Variants in HIVEP2 observed in about 807,000 individuals in gnomAD.
HIVEP2 encodes the protein HIVEP zinc finger 2, also known as transcription factor HIVEP2.
HIVEP2 carries 14 observed loss-of-function variants against 180.7 expected under a neutral mutation model. The ratio of observed to expected loss-of-function variants is 0.08; its 90% CI spans 0.05 to 0.12. The LOEUF (loss-of-function observed/expected upper bound fraction) is 0.12. Ranked by LOEUF, HIVEP2 falls within the 10% of genes least tolerant of loss-of-function variation. The pLI is 1.00. For synonymous variants in HIVEP2, 1,184 were observed against 1,136.4 expected, an observed-to-expected ratio of 1.04 and a Z score of -0.84; for missense variants, 2,579 against 3,008.5, an observed-to-expected ratio of 0.86 and a Z score of 3.34.
chr6:142,771,707 G>A lies in HIVEP2; in HGVS notation c.3032C>T (p.Ala1011Val). Residue 1011 changes from alanine to valine, a missense_variant, in exon 5 of 10, where the codon GCT becomes GTT. Coordinates refer to ENST00000367603, the MANE Select transcript of HIVEP2 (RefSeq NM_006734.4). This position sits in a 1 kb window ranked among gnomAD's most constrained non-coding sequence, Gnocchi z 5.4. ...TGGGACAGACAATGAGTATGAACCA[G>A]CAGGGACAGTCAGAAACTCTGAATG... The part of the protein sequence containing the change: ...GKHSEFLTVP[A>V]GSYSLSVPGH... The A allele has an allele frequency of 6.2e-7, 1 of 1,614,202 alleles. No individual in the cohort carries two copies. The highest frequency in any genetic ancestry group is 8.5e-7 in the Non-Finnish European group (1 of 1,180,032).
At chr6:142,888,945 T>C (rs1386064583) in intron 1 of HIVEP2, among the ~76,000 whole-genome samples, 2 of 152,216 alleles carry the variant, frequency 1.3e-5, no homozygotes, top group Non-Finnish European at 2.9e-5. Flanking sequence ...ACTATACTGC[T>C]CATTCCATCA....
At chr6:142,878,971 T>G (rs956107710) in intron 1 of HIVEP2, among the ~76,000 whole-genome samples, 14 of 152,192 alleles carry the variant, frequency 9.2e-5, no homozygotes, top group Admixed American at 3.9e-4. Context: ...GCCCTGGATA[T>G]GTCATCTAAC....
intron 1 of HIVEP2, among the ~76,000 whole-genome samples, chr6:142,869,624 C>A (rs1776238919): frequency 6.6e-6 from 1 of 151,962 alleles, no homozygotes; most frequent in African/African-American, 2.4e-5. Context: ...ATAGGGCACT[C>A]CAACTTTTAA....
intron 1 of HIVEP2, among the ~76,000 whole-genome samples, chr6:142,843,596 C>T (rs1043564771): frequency 6.6e-6 from 1 of 152,148 alleles, no homozygotes; most frequent in Non-Finnish European, 1.5e-5. Flanking sequence ...CAAGAGAAAG[C>T]TACGGTGAGC....
At position 142,752,815 on chromosome 6, in the gene HIVEP2, A is replaced by C. The variant is rs1392528875; in HGVS notation, c.*292T>G. 7.6e-5 allele frequency: 22 copies of C among 290,470 alleles called. No homozygotes were observed. Among genetic ancestry groups the C allele is most frequent in the Non-Finnish European group, 1.4e-4 (22 of 155,264 alleles). The allele number at this position is 290,470 out of a possible 1,614,324, so 18.0% of individuals were successfully genotyped here. A position where few individuals can be genotyped will look rare whatever the true frequency, so the allele number is the denominator to read the frequency against. On this transcript the variant is annotated 3_prime_UTR_variant, in exon 10 of 10. Coordinates refer to ENST00000367603, the MANE Select transcript of HIVEP2 (RefSeq NM_006734.4). ...ATACACAAATTCTAAAATATGTACA[A>C]ATTACTGCTAAAAAATGCTTATAAG...
intron 1 of HIVEP2, among the ~76,000 whole-genome samples, chr6:142,937,560 G>A (rs780416384): frequency 7.2e-5 from 11 of 152,132 alleles, no homozygotes; most frequent in Non-Finnish European, 1.0e-4. Flanking sequence ...TCAAATCGAG[G>A]TTCTTAATCC....
At chr6:142,900,405 C>G (rs935925729) in intron 1 of HIVEP2, among the ~76,000 whole-genome samples, 2 of 152,154 alleles carry the variant, frequency 1.3e-5, no homozygotes, top group Non-Finnish European at 2.9e-5. Context: ...ACCTCACCAC[C>G]CTGGGCCACA....
chr6:142,859,738 G>A (rs1775920189), intron 1 of HIVEP2, among the ~76,000 whole-genome samples: 2 of 147,640 alleles, frequency 1.4e-5, no homozygotes, highest in Middle Eastern at 3.3e-3. Flanking sequence ...GGAGGCTGAG[G>A]CAAGAGAATC....
At chr6:142,755,376 G>A (rs1775038460) in intron 9 of HIVEP2, among the ~76,000 whole-genome samples, 1 of 152,196 alleles carries the variant, frequency 6.6e-6, no homozygotes, top group Non-Finnish European at 1.5e-5. Context: ...TTTGGAAAAG[G>A]CACGTCTCCT....
chr6:142,771,278 G>T lies in HIVEP2; in HGVS notation c.3461C>A (p.Ala1154Asp). ...GTCCATGTGCATGATCTGTGGCTGG[G>T]CCAGGTGCAGTGGCCCCGAGCTCAG... ...PPLSSGPLHL[A>D]QPQIMHMDSQ... Residue 1154 changes from alanine (A) to aspartate (D), a missense_variant, in exon 5 of 10, where the codon GCC becomes GAC. By Grantham distance (126) the Ala-to-Asp change is moderately radical. This residue lies in a region of HIVEP2 where 523 missense variants were observed against 577.0 expected (regional missense o/e 0.91). Coordinates refer to ENST00000367603, the MANE Select transcript of HIVEP2 (RefSeq NM_006734.4). The surrounding 1 kb of genome is among the most constrained non-coding windows in gnomAD (Gnocchi z 5.4). 1 of 1,613,792 alleles carries T rather than the reference G, an allele frequency of 6.2e-7. No individual in the cohort carries two copies. The highest frequency in any genetic ancestry group is 8.5e-7 in the Non-Finnish European group (1 of 1,180,028).
chr6:142,877,627 GA>G (rs71683763), intron 1 of HIVEP2, among the ~76,000 whole-genome samples: 116,715 of 151,562 alleles, frequency 0.77, 45,632 homozygotes, highest in Non-Finnish European at 0.83. Flanking sequence ...AAAGTAAAGA[GA>G]AAAAAAAAAT....
chr6:142,920,776 G>A (rs141127785), intron 1 of HIVEP2, among the ~76,000 whole-genome samples: 1 of 152,250 alleles, frequency 6.6e-6, no homozygotes, highest in East Asian at 1.9e-4. Flanking sequence ...GAGCCCAGGA[G>A]TTCCAGATCA....
chr6:142,752,648 C>A lies in HIVEP2; in HGVS notation c.*459G>T. On this transcript the variant is annotated 3_prime_UTR_variant, in exon 10 of 10. Coordinates refer to ENST00000367603, the MANE Select transcript of HIVEP2 (RefSeq NM_006734.4). ...AAATATTAGTATTACAGAATCAGAG[C>A]TGTACATAAAAGCTGTTCAGTTTTA... 6.4e-6 allele frequency: 1 copy of A among 156,320 alleles called. No homozygotes were observed. Among genetic ancestry groups the A allele is most frequent in the Non-Finnish European group, 1.4e-5 (1 of 70,146 alleles). The allele number at this position is 156,320 out of a possible 1,614,324, so 9.7% of individuals were successfully genotyped here. A position where few individuals can be genotyped will look rare whatever the true frequency, so the allele number is the denominator to read the frequency against.
At chr6:142,870,280 C>G (rs1259157867) in intron 1 of HIVEP2, among the ~76,000 whole-genome samples, 3 of 152,194 alleles carry the variant, frequency 2.0e-5, no homozygotes, top group Admixed American at 6.5e-5. Flanking sequence ...TCACCGCACT[C>G]TCACTGACCA....
At chr6:142,913,245 G>T (rs761758083) in intron 1 of HIVEP2, among the ~76,000 whole-genome samples, 7 of 152,214 alleles carry the variant, frequency 4.6e-5, no homozygotes, top group African/African-American at 7.2e-5. Context: ...GGATGCTAAT[G>T]AGAACTTCTA....
At chr6:142,891,029 G>A (rs948255074) in intron 1 of HIVEP2, among the ~76,000 whole-genome samples, 3 of 152,106 alleles carry the variant, frequency 2.0e-5, no homozygotes, top group Non-Finnish European at 4.4e-5. Context: ...AATTATACCT[G>A]TGCTGTAAAG....
intron 1 of HIVEP2, among the ~76,000 whole-genome samples, chr6:142,863,634 T>G (rs1776062157): frequency 6.6e-6 from 1 of 152,104 alleles, no homozygotes; most frequent in Non-Finnish European, 1.5e-5. Context: ...AGAGAAGAGG[T>G]CAAATTCAAT....
chr6:142,939,828 T>C (rs991659040), intron 1 of HIVEP2, among the ~76,000 whole-genome samples: 2 of 152,192 alleles, frequency 1.3e-5, no homozygotes, highest in African/African-American at 4.8e-5. Context: ...AACTACTACA[T>C]AAAATAGACT....
At chr6:142,764,225 A>T (rs1220745722) in intron 7 of HIVEP2, among the ~76,000 whole-genome samples, 1 of 152,196 alleles carries the variant, frequency 6.6e-6, no homozygotes, top group Non-Finnish European at 1.5e-5. Context: ...TTAAAAAAAA[A>T]TTTTAAGGCA....
Sources: gnomAD v4.1 joint callset for allele counts (sites outside exome capture counted in the v4.1 genomes callset) on GRCh38, gnomAD v4.1.1 for gene constraint, gnomAD v4.1.1 regional missense constraint, Gnocchi (gnomAD v3.1) non-coding constraint, MANE v1.5 for transcripts, NCBI Gene and HGNC (gene_info 2026-07-23, HGNC 2026-07-21) for gene names.